PLEKHA7: variants seen among roughly 807,000 people sequenced by gnomAD.
The protein encoded by PLEKHA7 is pleckstrin homology domain containing A7, also known as pleckstrin homology domain-containing family A member 7.
In PLEKHA7, 104 loss-of-function variants were observed where a neutral mutation model predicts 170.0. The observed-to-expected ratio is 0.61, with a 90% confidence interval of 0.52 to 0.72. The LOEUF (loss-of-function observed/expected upper bound fraction) is 0.72, where lower values mean the gene tolerates loss of function less well. Among genes scored for constraint, PLEKHA7 ranks in the 30% least tolerant of loss-of-function variants. The pLI is 0.00. For missense variants in PLEKHA7, 1,615 were observed against 1,671.7 expected (o/e 0.97, Z 0.59); for synonymous variants, 648 against 660.8 (o/e 0.98, Z 0.30).
chr11:16,796,593 C>T (rs757011741), intron 17 of PLEKHA7, among the ~76,000 whole-genome samples: 2 of 152,142 alleles, frequency 1.3e-5, no homozygotes, highest in South Asian at 2.1e-4. Flanking sequence ...ATTGCGGTGA[C>T]GGCTGTATCA....
intron 4 of PLEKHA7, among the ~76,000 whole-genome samples, chr11:16,868,092 A>G (rs993063863): frequency 2.6e-4 from 39 of 152,266 alleles, no homozygotes; most frequent in Non-Finnish European, 2.6e-4. Flanking sequence ...GACTAGACAG[A>G]TATCAGTTTA....
chr11:16,888,401 CG>C lies in PLEKHA7; in HGVS notation c.222-17220del, dbSNP rs1236892196. On this transcript the variant is annotated intron_variant, in intron 3 of 26. Transcript: ENST00000531066. ...GACGATGGCGGTTTTGTTGAGTAGA[CG>C]GGGGGGAAATGTGGGGAGGGGATGG... Among the ~76,000 whole-genome samples, 14 of 149,178 alleles carry C rather than the reference CG, an allele frequency of 9.4e-5. No individual in the cohort carries two copies. In the South Asian group the frequency reaches 1.3e-3, roughly 14 times the overall value.
intron 3 of PLEKHA7, among the ~76,000 whole-genome samples, chr11:16,880,482 A>T (rs1322327678): frequency 6.6e-6 from 1 of 152,200 alleles, no homozygotes; most frequent in African/African-American, 2.4e-5. Context: ...CTAACTCTAA[A>T]ACTGCACTCC....
intron 3 of PLEKHA7, among the ~76,000 whole-genome samples, chr11:16,989,914 G>A (rs1363059875): frequency 6.6e-6 from 1 of 152,104 alleles, no homozygotes; most frequent in East Asian, 1.9e-4. Flanking sequence ...GCCGAAGCAT[G>A]CCAGCACCAT....
chr11:16,964,747 G>A (rs989608465), intron 3 of PLEKHA7, among the ~76,000 whole-genome samples: 1 of 152,194 alleles, frequency 6.6e-6, no homozygotes, highest in African/African-American at 2.4e-5. Context: ...AGGGCACTGC[G>A]CTGCAGTAAT....
intron 3 of PLEKHA7, among the ~76,000 whole-genome samples, chr11:16,874,441 G>T (rs1855126028): frequency 6.6e-6 from 1 of 152,122 alleles, no homozygotes; most frequent in Non-Finnish European, 1.5e-5. Context: ...CAGGAGTCAA[G>T]GCTGCAGTGA....
intron 9 of PLEKHA7, among the ~76,000 whole-genome samples, chr11:16,827,238 T>C (rs1228140949): frequency 1.3e-5 from 2 of 152,228 alleles, no homozygotes; most frequent in African/African-American, 4.8e-5. Context: ...CAGCAACCAC[T>C]GTATGTGAAT....
At chr11:16,857,381 C>T (rs1853553651) in intron 4 of PLEKHA7, among the ~76,000 whole-genome samples, 1 of 152,240 alleles carries the variant, frequency 6.6e-6, no homozygotes, top group African/African-American at 2.4e-5. Flanking sequence ...AGATTCCACA[C>T]CCCCAGCCTC....
chr11:16,782,117 A>C (rs548278701), intron 26 of PLEKHA7, among the ~76,000 whole-genome samples: 2 of 151,852 alleles, frequency 1.3e-5, no homozygotes, highest in South Asian at 4.2e-4. Flanking sequence ...ACAGACACAC[A>C]GACACACATA....
intron 3 of PLEKHA7, among the ~76,000 whole-genome samples, chr11:16,945,491 C>T (rs1005589416): frequency 6.6e-6 from 1 of 152,130 alleles, no homozygotes; most frequent in African/African-American, 2.4e-5. Flanking sequence ...AGGACAATAC[C>T]TCTTCACAAA....
At chr11:16,969,409 T>A (rs1238308786) in intron 3 of PLEKHA7, among the ~76,000 whole-genome samples, 1 of 152,220 alleles carries the variant, frequency 6.6e-6, no homozygotes, top group Non-Finnish European at 1.5e-5. Context: ...GATTACATCT[T>A]AATAGGGAAC....
intron 6 of PLEKHA7, among the ~76,000 whole-genome samples, chr11:16,853,579 G>A (rs1300054159): frequency 6.6e-6 from 1 of 152,168 alleles, no homozygotes; most frequent in African/African-American, 2.4e-5. Flanking sequence ...ACAGCCAATG[G>A]GCCTGGCCTA....
At chr11:16,888,942 A>T (rs1281566722) in intron 3 of PLEKHA7, among the ~76,000 whole-genome samples, 28 of 37,112 alleles carry the variant, frequency 7.5e-4, no homozygotes, top group East Asian at 3.3e-3. Flanking sequence ...ACTAAAAATT[A>T]AAAAAAAAAA....
At chr11:16,851,598 G>A (rs898628087) in intron 7 of PLEKHA7, among the ~76,000 whole-genome samples, 1 of 152,026 alleles carries the variant, frequency 6.6e-6, no homozygotes, top group Middle Eastern at 3.2e-3. Flanking sequence ...ACAGGCATGC[G>A]CCACCATGCC....
chr11:16,851,390 C>G (rs1254841790), intron 7 of PLEKHA7, 99 bp from the exon 8 acceptor site: 6 of 703,012 alleles, frequency 8.5e-6, no homozygotes, highest in Non-Finnish European at 1.2e-5. Flanking sequence ...GTTTCCTCCC[C>G]TTGTAATGTC....
Position 16,817,115 on chromosome 11 carries a change from A to G in PLEKHA7, c.1551T>C (p.Asp517=). 1 of 1,614,118 alleles carries G rather than the reference A, an allele frequency of 6.2e-7. No individual in the cohort carries two copies. Among genetic ancestry groups the G allele is most frequent in the Non-Finnish European group, 8.5e-7 (1 of 1,180,010 alleles). Residue 517 remains aspartate (D), a synonymous_variant, in exon 11 of 27, where the codon GAT becomes GAC. Transcript: ENST00000531066. This position sits in a 1 kb window ranked among gnomAD's most constrained non-coding sequence, Gnocchi z 4.4. ...MSSEERRAHR[D]GTVWQLYEWQ... ...ACTCGTAGAGCTGCCACACGGTGCCATCCCGGTGCGCCCGGCGCTCTTCAC... is the reference window on the plus strand; with the variant it reads ...ACTCGTAGAGCTGCCACACGGTGCCGTCCCGGTGCGCCCGGCGCTCTTCAC...
In PLEKHA7 at chr11:16,817,680, G is replaced by A. The variant is rs1849879481; in HGVS notation, c.1344-358C>T. Among the ~76,000 whole-genome samples, 1 of 152,166 alleles carries A rather than the reference G, an allele frequency of 6.6e-6. No individual in the cohort carries two copies. Among genetic ancestry groups the A allele is most frequent in the African/African-American group, 2.4e-5 (1 of 41,416 alleles). On this transcript the variant is annotated intron_variant, in intron 10 of 26. Transcript: ENST00000531066. This position sits in a 1 kb window ranked among gnomAD's most constrained non-coding sequence, Gnocchi z 4.4. ...GCCTCACAATTCTCCAAGTTACCAAGATTTTCTCTCTGCCTGGTATCCTTA... is the reference window on the plus strand; with the variant it reads ...GCCTCACAATTCTCCAAGTTACCAAAATTTTCTCTCTGCCTGGTATCCTTA...
chr11:16,906,750 G>A (rs1262221031), intron 3 of PLEKHA7, among the ~76,000 whole-genome samples: 3 of 140,384 alleles, frequency 2.1e-5, no homozygotes, highest in East Asian at 4.0e-4. Context: ...CCGCCACCCC[G>A]TCTGGGAAGT....
chr11:16,801,664 G>A lies in PLEKHA7; in HGVS notation c.2307+4C>T, dbSNP rs549365299. ...GGGAGACAGGTCTGCCACCCTCTACGCACAGTGGACTCTCTGGAGAGCTCA... is the reference window on the plus strand; with the variant it reads ...GGGAGACAGGTCTGCCACCCTCTACACACAGTGGACTCTCTGGAGAGCTCA... On this transcript the variant is annotated splice_donor_region_variant and intron_variant, in intron 16 of 26. Transcript: ENST00000531066. 9.9e-6 allele frequency: 16 copies of A among 1,613,940 alleles called. No individual in the cohort carries two copies. Among genetic ancestry groups the A allele is most frequent in the Admixed American group, 8.3e-5 (5 of 60,022 alleles).
Sources: gnomAD v4.1 joint callset for allele counts (sites outside exome capture counted in the v4.1 genomes callset) on GRCh38, gnomAD v4.1.1 for gene constraint, Gnocchi (gnomAD v3.1) non-coding constraint, MANE v1.5 for transcripts, NCBI Gene and HGNC (gene_info 2026-07-23, HGNC 2026-07-21) for gene names.